Variants in PAXIP1 observed in about 807,000 individuals in gnomAD.
PAXIP1 encodes the protein PAX-interacting protein 1.
A neutral mutation model predicts 140.6 loss-of-function variants in PAXIP1; 19 were observed. That is an observed-to-expected ratio of 0.14 (90% CI 0.09 to 0.20). PAXIP1 has a LOEUF of 0.20. Among genes scored for constraint, PAXIP1 ranks in the 10% least tolerant of loss-of-function variants. PAXIP1 has a pLI of 1.00. For synonymous variants in PAXIP1, 442 were observed against 444.6 expected (o/e 0.99, Z 0.07); for missense variants, 920 against 1,208.6 (o/e 0.76, Z 3.54).
At chr7:154,983,380 G>T in intron 4 of PAXIP1, 48 bp from the exon 5 acceptor site, 1 of 862,216 alleles carries the variant, frequency 1.2e-6, no homozygotes, top group Non-Finnish European at 1.9e-6. Flanking sequence ...TTCAATCTGT[G>T]CATGGCTATA....
chr7:154,946,754 G>A lies in PAXIP1; in HGVS notation c.2982C>T (p.Ile994=), dbSNP rs756344863. The A allele has an allele frequency of 1.1e-5, 18 of 1,612,328 alleles. No homozygotes were observed. The highest frequency in any genetic ancestry group is 4.5e-5 in the East Asian group (2 of 44,834). The change falls in exon 18 of 21, where the codon ATC becomes ATT. Residue 994 remains isoleucine, a synonymous_variant. Transcript: ENST00000404141. This position sits in a 1 kb window ranked among gnomAD's most constrained non-coding sequence, Gnocchi z 4.9. ...ICPSLSTMKA[I]VECAGGKVLS... The stretch of plus-strand genomic sequence containing the variant: ...ACACCTTTCCTCCTGCACACTCTAC[G>A]ATTGCCTTCATAGTGGAAAGACTTG...
intron 13 of PAXIP1, among the ~76,000 whole-genome samples, chr7:154,957,891 C>T (rs1206244696): frequency 7.0e-5 from 10 of 143,610 alleles, no homozygotes; most frequent in East Asian, 4.1e-4. Context: ...GGCGTGAACC[C>T]GGGAAGCGGA....
chr7:154,976,558 G>C (rs1056810760), intron 5 of PAXIP1, among the ~76,000 whole-genome samples: 1 of 152,228 alleles, frequency 6.6e-6, no homozygotes, highest in Non-Finnish European at 1.5e-5. Flanking sequence ...CACACCTGTA[G>C]CAGGAGTCTT....
chr7:154,959,352 T>C (rs1250885872), intron 13 of PAXIP1, among the ~76,000 whole-genome samples: 1 of 152,224 alleles, frequency 6.6e-6, no homozygotes, highest in African/African-American at 2.4e-5. Context: ...AAAGTGCTGA[T>C]GTTCAGTCGA....
intron 13 of PAXIP1, among the ~76,000 whole-genome samples, 175 bp from the exon 14 acceptor site, chr7:154,957,469 G>A (rs1808567465): frequency 6.6e-6 from 1 of 152,166 alleles, no homozygotes; most frequent in African/African-American, 2.4e-5. Flanking sequence ...CAATGCAAGT[G>A]GGGAGAAGCA....
intron 15 of PAXIP1, 66 bp downstream of exon 15, chr7:154,955,463 C>T (rs1233993346): frequency 2.2e-6 from 2 of 891,142 alleles, no homozygotes; most frequent in Non-Finnish European, 3.7e-6. Context: ...AACTGCTGAT[C>T]TGAAGTAAAT....
intron 20 of PAXIP1, 73 bp from the exon 21 acceptor site, chr7:154,944,237 C>G (rs896488017): frequency 3.6e-6 from 5 of 1,384,710 alleles, no homozygotes; most frequent in Non-Finnish European, 4.0e-6. Context: ...TTCCAACATT[C>G]ATCATCCAGT....
chr7:154,986,414 C>T lies in PAXIP1; in HGVS notation c.325-3082G>A, dbSNP rs546465532. Among the ~76,000 whole-genome samples the T allele has an allele frequency of 6.6e-6, 1 of 152,140 alleles. No homozygotes were observed. Among genetic ancestry groups the T allele is most frequent in the African/African-American group, 2.4e-5 (1 of 41,418 alleles). On this transcript the variant is annotated intron_variant, in intron 4 of 20. Transcript: ENST00000404141. The surrounding 1 kb of genome is among the most constrained non-coding windows in gnomAD (Gnocchi z 4.8). ...TCATTTTTGCATATGTTGCAACATA[C>T]CGTATTTGCCCAAGGCCTGACCCCT...
In PAXIP1 at chr7:154,961,062, C is replaced by T. The variant is rs1325025418; in HGVS notation, c.2265G>A (p.Lys755=). 9 of 1,569,328 alleles carry T rather than the reference C, an allele frequency of 5.7e-6. No individual in the cohort carries two copies. Among genetic ancestry groups the T allele is most frequent in the African/African-American group, 2.7e-5 (2 of 73,244 alleles). Residue 755 remains lysine (K), a synonymous_variant, in exon 12 of 21, where the codon AAG becomes AAA. Coordinates refer to ENST00000404141, the MANE Select transcript of PAXIP1 (RefSeq NM_007349.4). ...VLICKEPTGL[K]YEKAKEWRIP... is the part of the protein sequence containing the mutation. ...TCCTCCACTCTTTGGCTTTTTCATA[C>T]TTTAAACCAGTTGGTCTTTTTATTT...
intron 2 of PAXIP1, among the ~76,000 whole-genome samples, chr7:154,997,666 T>C (rs1810698444): frequency 6.6e-6 from 1 of 152,188 alleles, no homozygotes; most frequent in Non-Finnish European, 1.5e-5. Flanking sequence ...CATAACATAA[T>C]ACAGTAGGTG....
chr7:154,953,909 T>C (rs1808395582), intron 16 of PAXIP1, among the ~76,000 whole-genome samples: 1 of 152,154 alleles, frequency 6.6e-6, no homozygotes, highest in African/African-American at 2.4e-5. Flanking sequence ...TACATACACC[T>C]GCTCTCTTTC....
At chr7:154,972,421 G>T (rs889260902) in intron 6 of PAXIP1, among the ~76,000 whole-genome samples, 8 of 152,168 alleles carry the variant, frequency 5.3e-5, no homozygotes, top group Non-Finnish European at 1.2e-4. Flanking sequence ...CCAGGGAGGT[G>T]CAGTTTGCAG....
chr7:154,999,838 G>A (rs1810806280), intron 1 of PAXIP1, among the ~76,000 whole-genome samples: 2 of 152,202 alleles, frequency 1.3e-5, no homozygotes, highest in South Asian at 4.1e-4. Flanking sequence ...ACAGCCATGA[G>A]CGTGAAGGTG....
Position 154,963,980 on chromosome 7 carries a change from T to G in PAXIP1, c.1894-214A>C. 2 of 524,376 alleles carry G rather than the reference T, an allele frequency of 3.8e-6. No homozygotes were observed. Among genetic ancestry groups the G allele is most frequent in the Non-Finnish European group, 6.9e-6 (2 of 289,200 alleles). 32.5% of individuals were successfully genotyped at this position (524,376 alleles called of 1,614,324 possible). Reference sequence around the variant, plus strand: ...TCCAATACTCTAAATTTAATCTGAATTCCCAGGATACAAGAGAAGAACAAT... The same window carrying G: ...TCCAATACTCTAAATTTAATCTGAAGTCCCAGGATACAAGAGAAGAACAAT... On this transcript the variant is annotated intron_variant, in intron 8 of 20. Transcript: ENST00000404141. This position sits in a 1 kb window ranked among gnomAD's most constrained non-coding sequence, Gnocchi z 4.1.
intron 8 of PAXIP1, among the ~76,000 whole-genome samples, chr7:154,966,888 T>G (rs1809050056): frequency 6.6e-6 from 1 of 152,220 alleles, no homozygotes; most frequent in South Asian, 2.1e-4. Flanking sequence ...TGGATCCCAC[T>G]GAGGCACCCT....
intron 17 of PAXIP1, 32 bp downstream of exon 17, chr7:154,947,871 T>G: frequency 6.9e-7 from 1 of 1,456,978 alleles, no homozygotes; most frequent in South Asian, 1.1e-5. Context: ...TTATGCTTAC[T>G]TGGACTGATT....
intron 5 of PAXIP1, among the ~76,000 whole-genome samples, chr7:154,977,379 T>C (rs1354326371): frequency 6.6e-6 from 1 of 152,194 alleles, no homozygotes; most frequent in Non-Finnish European, 1.5e-5. Context: ...CCGTGTCCTG[T>C]TGCAGAGCCC....
At chr7:154,944,305 G>A (rs1807824910) in intron 20 of PAXIP1, 141 bp from the exon 21 acceptor site, 6 of 660,570 alleles carry the variant, frequency 9.1e-6, no homozygotes, top group Middle Eastern at 4.4e-4. Flanking sequence ...CAAACCAGTC[G>A]CTCTGCTGCA....
chr7:154,970,917 G>C (rs900419414), intron 6 of PAXIP1, among the ~76,000 whole-genome samples: 1 of 152,200 alleles, frequency 6.6e-6, no homozygotes, highest in African/African-American at 2.4e-5. Context: ...GGAACTCTGA[G>C]GGATGGTAAA....
Sources: allele counts gnomAD v4.1 joint callset (sites outside exome capture counted in the v4.1 genomes callset), GRCh38; gene constraint gnomAD v4.1.1; non-coding constraint Gnocchi (gnomAD v3.1); transcripts MANE v1.5; gene names NCBI Gene and HGNC (gene_info 2026-07-23, HGNC 2026-07-21).